CCDC191: variants seen among roughly 807,000 people sequenced by gnomAD.
CCDC191 encodes coiled-coil domain containing 191, also known as coiled-coil domain-containing protein 191.
A neutral mutation model predicts 114.0 loss-of-function variants in CCDC191; 99 were observed. That is an observed-to-expected ratio of 0.87 (90% CI 0.74 to 1.03). CCDC191 has a LOEUF of 1.03. CCDC191 is among the 50% of genes least tolerant of loss of function. The pLI, the probability that CCDC191 is intolerant of heterozygous loss-of-function variation, is 0.00. For missense variants in CCDC191, 973 were observed against 1,087.0 expected (o/e 0.90, Z 1.47); for synonymous variants, 351 against 376.0 (o/e 0.93, Z 0.77).
intron 16 of CCDC191, among the ~76,000 whole-genome samples, chr3:113,967,302 C>T (rs575958597): frequency 3.3e-5 from 5 of 152,130 alleles, no homozygotes; most frequent in Non-Finnish European, 7.4e-5. Context: ...TGCATTTTAG[C>T]TCCTGCTGTT....
intron 16 of CCDC191, among the ~76,000 whole-genome samples, chr3:113,972,231 G>T (rs1159577860): frequency 6.6e-6 from 1 of 152,018 alleles, no homozygotes; most frequent in Admixed American, 6.5e-5. Context: ...TCTCTTAAAA[G>T]AAGTTACTGC....
At chr3:114,043,377 T>A (rs1245959417) in intron 3 of CCDC191, among the ~76,000 whole-genome samples, 2 of 152,150 alleles carry the variant, frequency 1.3e-5, no homozygotes, top group African/African-American at 4.8e-5. Flanking sequence ...GCAATGATTA[T>A]CAACCAGGTG....
At chr3:114,012,074 T>A (rs1418484445) in intron 8 of CCDC191, among the ~76,000 whole-genome samples, 1 of 152,176 alleles carries the variant, frequency 6.6e-6, no homozygotes, top group East Asian at 1.9e-4. Context: ...TCATGGACTC[T>A]TTGGGGTCAT....
At chr3:114,044,771 G>C (rs536214899) in intron 3 of CCDC191, among the ~76,000 whole-genome samples, 7 of 152,168 alleles carry the variant, frequency 4.6e-5, no homozygotes, top group Non-Finnish European at 1.0e-4. Context: ...GGGATTTACT[G>C]TGAAGTGCCC....
chr3:114,034,756 G>A (rs530476715), intron 6 of CCDC191, among the ~76,000 whole-genome samples, 169 bp downstream of exon 6: 2 of 152,284 alleles, frequency 1.3e-5, no homozygotes, highest in Non-Finnish European at 1.5e-5. Flanking sequence ...ACCACGTCAG[G>A]AGGAACATGG....
At chr3:114,014,295 A>C (rs1226147998) in intron 8 of CCDC191, among the ~76,000 whole-genome samples, 43 of 152,230 alleles carry the variant, frequency 2.8e-4, no homozygotes, top group Admixed American at 2.8e-3. Flanking sequence ...TTAAAGTTTT[A>C]AAGCGAGCCA....
intron 13 of CCDC191, among the ~76,000 whole-genome samples, chr3:113,983,278 C>G (rs575888118): frequency 2.6e-5 from 4 of 152,212 alleles, no homozygotes; most frequent in African/African-American, 7.2e-5. Context: ...ATTTATAGTC[C>G]TTAGGACTTG....
At chr3:114,033,800 G>A (rs2076441979) in intron 6 of CCDC191, among the ~76,000 whole-genome samples, 1 of 152,230 alleles carries the variant, frequency 6.6e-6, no homozygotes, top group Non-Finnish European at 1.5e-5. Flanking sequence ...GGCATCTGGA[G>A]GAAGCCTCAG....
At chr3:113,981,040 G>A (rs2075132800) in intron 13 of CCDC191, among the ~76,000 whole-genome samples, 1 of 152,110 alleles carries the variant, frequency 6.6e-6, no homozygotes, top group Non-Finnish European at 1.5e-5. Context: ...ATTCAGTATT[G>A]TTCACAGAAA....
chr3:114,011,141 ACATTT>A, intron 8 of CCDC191, 120 bp from the exon 9 acceptor site: 3 of 1,101,434 alleles, frequency 2.7e-6, no homozygotes, highest in South Asian at 1.6e-5. Flanking sequence ...CTCTCGCTTA[ACATTT>A]TATATTAAGC....
intron 13 of CCDC191, among the ~76,000 whole-genome samples, chr3:113,988,749 T>C (rs2075455289): frequency 6.6e-6 from 1 of 151,202 alleles, no homozygotes; most frequent in African/African-American, 2.4e-5. Context: ...AATCAAGACA[T>C]AGCTATATGA....
chr3:114,006,034 T>C (rs750051980), intron 9 of CCDC191, 72 bp from the exon 10 acceptor site: 2 of 1,357,034 alleles, frequency 1.5e-6, no homozygotes, highest in Non-Finnish European at 1.0e-6. Flanking sequence ...ATTTATGAGG[T>C]CAGTATTGTT....
chr3:113,975,924 C>T (rs1021051290), intron 16 of CCDC191, among the ~76,000 whole-genome samples: 3 of 152,158 alleles, frequency 2.0e-5, no homozygotes, highest in Non-Finnish European at 2.9e-5. Context: ...GATTTCACAA[C>T]TTCAAATCCT....
chr3:113,968,269 C>A (rs979467915), intron 16 of CCDC191, among the ~76,000 whole-genome samples: 2 of 152,124 alleles, frequency 1.3e-5, no homozygotes, highest in African/African-American at 2.4e-5. Flanking sequence ...TGAGGGTTTC[C>A]CTTTCTCCAT....
chr3:114,029,943 G>A (rs2076380951), intron 7 of CCDC191, among the ~76,000 whole-genome samples: 2 of 152,164 alleles, frequency 1.3e-5, no homozygotes, highest in African/African-American at 4.8e-5. Context: ...TAAATGCAGT[G>A]TGAAATTATG....
At chr3:113,976,171 A>G (rs1941321330) in intron 16 of CCDC191, among the ~76,000 whole-genome samples, 1 of 152,098 alleles carries the variant, frequency 6.6e-6, no homozygotes, top group Non-Finnish European at 1.5e-5. Flanking sequence ...AGGCATGAGA[A>G]TCGCTTGAAC....
Position 114,034,952 on chromosome 3 carries a change from C to T in CCDC191, c.791G>A (p.Arg264Lys), listed in dbSNP as rs1157987619. The change falls in exon 6 of 17, where the codon AGA becomes AAA. Residue 264 changes from arginine (R) to lysine (K), a missense_variant. Physicochemically the swap from Arg to Lys is conservative, Grantham distance 26. Transcript: ENST00000295878. ...TTTCCATGCTGCTTTCACAGTGCGT[C>T]TCCTCTCAATTATCTCCCTCCGCAG... is the stretch of plus-strand genomic sequence containing the variant. ...VKLRREIIER[R>K]RTVKAAWKIE... 3 of 1,613,862 alleles carry T rather than the reference C, an allele frequency of 1.9e-6. No homozygotes were observed. Among genetic ancestry groups the T allele is most frequent in the Non-Finnish European group, 2.5e-6 (3 of 1,179,958 alleles).
intron 13 of CCDC191, among the ~76,000 whole-genome samples, chr3:113,982,468 T>A (rs1294093226): frequency 6.6e-6 from 1 of 152,170 alleles, no homozygotes; most frequent in Non-Finnish European, 1.5e-5. Flanking sequence ...CATGATATGA[T>A]GCTGTTTTGA....
At chr3:114,046,771 A>T (rs750976572) in intron 2 of CCDC191, 39 bp from the exon 3 acceptor site, 9 of 1,550,036 alleles carry the variant, frequency 5.8e-6, no homozygotes. Context: ...AAAGATGACA[A>T]CAAATTTGTT....
Sources: gnomAD v4.1 joint callset for allele counts (sites outside exome capture counted in the v4.1 genomes callset) on GRCh38, gnomAD v4.1.1 for gene constraint, MANE v1.5 for transcripts, NCBI Gene and HGNC (gene_info 2026-07-23, HGNC 2026-07-21) for gene names.